Variants in RELN observed in about 807,000 individuals in gnomAD.
The protein encoded by RELN is reelin.
RELN carries 108 observed loss-of-function variants against 427.6 expected under a neutral mutation model. The observed-to-expected ratio is 0.25, with a 90% CI of 0.22 to 0.30. RELN has a LOEUF of 0.30. Among genes scored for constraint, RELN ranks in the 10% least tolerant of loss-of-function variants. The pLI, the probability that RELN is intolerant of heterozygous loss-of-function variation, is 1.00. For missense variants in RELN, 3,715 were observed against 4,302.8 expected, an observed-to-expected ratio of 0.86 and a Z score of 3.82; for synonymous variants, 1,524 against 1,513.4, an observed-to-expected ratio of 1.01 and a Z score of -0.16.
Position 103,561,709 on chromosome 7 carries a change from C to G in RELN, c.5352G>C (p.Val1784=). 2 of 1,613,906 alleles carry G rather than the reference C, an allele frequency of 1.2e-6. No homozygotes were observed. Among genetic ancestry groups the G allele is most frequent in the Non-Finnish European group, 1.7e-6 (2 of 1,179,926 alleles). Residue 1784 remains valine (V), a splice_region_variant and synonymous_variant, in exon 36 of 65, where the codon GTG becomes GTC. Transcript: ENST00000428762. ...AGGGTCCACCAAAGCCCCGGTCACA[C>G]CTAAGAAAGAGAGGGAGTGGAGAAA... is the stretch of plus-strand genomic sequence containing the variant. ...GRGICDAGRC[V]CDRGFGGPYC...
intron 5 of RELN, 152 bp downstream of exon 5, chr7:103,753,030 G>A: frequency 1.3e-6 from 1 of 771,704 alleles, no homozygotes; most frequent in Non-Finnish European, 2.2e-6. Context: ...CTGTGTTCAA[G>A]TATAATCCGT....
chr7:103,935,371 T>G (rs552678974), intron 1 of RELN, among the ~76,000 whole-genome samples: 9 of 152,304 alleles, frequency 5.9e-5, no homozygotes, highest in African/African-American at 1.7e-4. Flanking sequence ...CTCATCTTAC[T>G]TGACTCCTCT....
intron 3 of RELN, among the ~76,000 whole-genome samples, chr7:103,826,319 A>AGTGTGTGTGTGTGTGTGTGTGTGT (rs768090469): frequency 1.2e-3 from 163 of 137,564 alleles, no homozygotes; most frequent in East Asian, 2.0e-3. Flanking sequence ...AGACTAAGAC[A>AGTGTGTGTGTGTGTGTGTGTGTGT]ATGTGTGTGT....
At chr7:103,646,641 C>G (rs555452551) in intron 16 of RELN, among the ~76,000 whole-genome samples, 1 of 151,810 alleles carries the variant, frequency 6.6e-6, no homozygotes, top group African/African-American at 2.4e-5. Flanking sequence ...AATCTCCCAA[C>G]AAATAAAAGC....
At position 103,824,951 on chromosome 7, in the gene RELN, CTT is replaced by C. The variant is rs1201501688; in HGVS notation, c.473+8584_473+8585del. Among the ~76,000 whole-genome samples, 9 of 151,250 alleles carry C rather than the reference CTT, an allele frequency of 6.0e-5. No individual in the cohort carries two copies. In the Admixed American group the frequency reaches 6.0e-4, roughly 10 times the overall value. On this transcript the variant is annotated intron_variant, in intron 3 of 64. Coordinates refer to ENST00000428762, the MANE Select transcript of RELN (RefSeq NM_005045.4). The surrounding 1 kb of genome is among the most constrained non-coding windows in gnomAD (Gnocchi z 4.4). ...ACGTTTTGGATCAAAACACACCTGT[CTT>C]TGCGAGTTTTTGAAGCTCTTGCTTC...
intron 63 of RELN, among the ~76,000 whole-genome samples, chr7:103,479,760 C>A (rs10251770): frequency 6.6e-6 from 1 of 152,010 alleles, no homozygotes; most frequent in African/African-American, 2.4e-5. Context: ...CTTTTAAACC[C>A]TGAAATATTG....
intron 4 of RELN, among the ~76,000 whole-genome samples, chr7:103,773,645 T>C (rs907211426): frequency 1.3e-5 from 2 of 151,974 alleles, no homozygotes; most frequent in Non-Finnish European, 2.9e-5. Flanking sequence ...AATTTTTGTA[T>C]TTTTGGTAGA....
chr7:103,692,508 T>A (rs1460420721), intron 10 of RELN, among the ~76,000 whole-genome samples: 1 of 151,556 alleles, frequency 6.6e-6, no homozygotes, highest in Non-Finnish European at 1.5e-5. Context: ...GGGTGGTGAG[T>A]GAGGAGGGAG....
chr7:103,484,663 A>G (rs1005925342), intron 61 of RELN: 2 of 152,240 alleles, frequency 1.3e-5, no homozygotes, highest in Admixed American at 6.5e-5. Flanking sequence ...TTCGACTTTC[A>G]AAGATGTATC....
chr7:103,722,274 T>C (rs1472384232), intron 8 of RELN, among the ~76,000 whole-genome samples: 2 of 152,128 alleles, frequency 1.3e-5, no homozygotes, highest in African/African-American at 4.8e-5. Context: ...AACACTGACT[T>C]GCAATTTGGA....
intron 28 of RELN, among the ~76,000 whole-genome samples, chr7:103,579,874 T>A (rs1473842921): frequency 6.6e-6 from 1 of 152,162 alleles, no homozygotes; most frequent in Admixed American, 6.5e-5. Flanking sequence ...AGATGCAGAG[T>A]ATTCTGAAGA....
intron 1 of RELN, among the ~76,000 whole-genome samples, chr7:103,931,498 CA>C (rs1423477290): frequency 6.6e-6 from 1 of 152,164 alleles, no homozygotes; most frequent in Non-Finnish European, 1.5e-5. Context: ...GAACCTATGG[CA>C]ATGTCTGATC....
intron 2 of RELN, among the ~76,000 whole-genome samples, chr7:103,890,984 A>G (rs1042000568): frequency 6.6e-6 from 1 of 152,144 alleles, no homozygotes; most frequent in Non-Finnish European, 1.5e-5. Context: ...CAGGAGGTTG[A>G]GGGAGGAGAA....
intron 28 of RELN, among the ~76,000 whole-genome samples, chr7:103,586,868 A>C (rs573396644): frequency 1.4e-5 from 2 of 144,650 alleles, no homozygotes; most frequent in East Asian, 3.9e-4. Context: ...AACACTGTAG[A>C]TGGAAGAAAC....
intron 1 of RELN, among the ~76,000 whole-genome samples, chr7:103,923,619 C>T (rs1034984537): frequency 3.3e-5 from 5 of 152,054 alleles, no homozygotes; most frequent in African/African-American, 1.2e-4. Context: ...TCCAATCAGC[C>T]TTTTGTGAGG....
At chr7:103,702,678 T>A (rs2115805271) in intron 8 of RELN, among the ~76,000 whole-genome samples, 1 of 152,316 alleles carries the variant, frequency 6.6e-6, no homozygotes, top group East Asian at 1.9e-4. Context: ...CCTCAGCCAC[T>A]CACTCACATT....
Position 103,700,964 on chromosome 7 carries a change from A to G in RELN, c.848T>C (p.Ile283Thr), listed in dbSNP as rs774670313. The G allele has an allele frequency of 5.0e-6, 8 of 1,612,696 alleles. No homozygotes were observed. In the South Asian group the frequency reaches 7.7e-5, roughly 15 times the overall value. Residue 283 changes from isoleucine (I) to threonine (T), a missense_variant, in exon 9 of 65, where the codon ATC becomes ACC. By Grantham distance (89) the Ile-to-Thr change is moderately conservative. Around this residue, in one of 4 missense-constraint regions of RELN, gnomAD observed 2,208 missense variants for 2,361.7 expected, o/e 0.93. Transcript: ENST00000428762. ...AGAGTTATTCTTGGCATATAACACG[A>G]TGATGCTGGGGTCTGAATAACTAAA... ...CRFSYSDPSI[I>T]VLYAKNNSAD...
chr7:103,878,163 C>G (rs1485580502), intron 2 of RELN, among the ~76,000 whole-genome samples: 1 of 151,984 alleles, frequency 6.6e-6, no homozygotes, highest in African/African-American at 2.4e-5. Flanking sequence ...AGCCTGGTCC[C>G]TCTTTTTAAA....
chr7:103,842,944 C>T (rs1395245992), intron 2 of RELN, among the ~76,000 whole-genome samples: 2 of 152,074 alleles, frequency 1.3e-5, no homozygotes, highest in Middle Eastern at 3.2e-3. Flanking sequence ...CTCTGTGCCA[C>T]GTTTAGAGAG....
Sources: allele counts gnomAD v4.1 joint callset (sites outside exome capture counted in the v4.1 genomes callset), GRCh38; gene constraint gnomAD v4.1.1; regional missense constraint gnomAD v4.1.1; non-coding constraint Gnocchi (gnomAD v3.1); transcripts MANE v1.5; gene names NCBI Gene and HGNC (gene_info 2026-07-23, HGNC 2026-07-21).